SBK2: variants seen among roughly 807,000 people sequenced by gnomAD.
SBK2 encodes the protein serine/threonine-protein kinase SBK2.
SBK2 carries 18 observed loss-of-function variants against 15.9 expected under a neutral mutation model. The observed-to-expected ratio is 1.13, with a 90% CI of 0.78 to 1.68. The LOEUF (loss-of-function observed/expected upper bound fraction) is 1.68, where lower values mean the gene tolerates loss of function less well. SBK2 is among the 40% of genes most tolerant of loss of function. The pLI is 0.00. For missense variants in SBK2, 581 were observed against 510.9 expected, an observed-to-expected ratio of 1.14 and a Z score of -1.32; for synonymous variants, 284 against 246.8, an observed-to-expected ratio of 1.15 and a Z score of -1.41.
chr19:55,529,598 AGAGGAGAGAG>A lies in SBK2; in HGVS notation c.*125_*134del. 2 of 783,842 alleles carry A rather than the reference AGAGGAGAGAG, an allele frequency of 2.6e-6. No homozygotes were observed. The highest frequency in any genetic ancestry group is 4.4e-5 in the Admixed American group (1 of 22,974). The allele number at this position is 783,842 out of a possible 1,614,324, so 48.6% of individuals were successfully genotyped here. A position where few individuals can be genotyped will look rare whatever the true frequency, so the allele number is the denominator to read the frequency against. On this transcript the variant is annotated 3_prime_UTR_variant, in exon 4 of 4. Transcript: ENST00000413299. The stretch of plus-strand genomic sequence containing the variant: ...ACCAAGGGAGGAATGCAGCCTGCAG[AGAGGAGAGAG>A]GAGGAGGACGCCGAGGGGAATCCCA...
In SBK2 at chr19:55,529,005, A is replaced by C. The variant is rs1445363629; in HGVS notation, c.*728T>G. The stretch of plus-strand genomic sequence containing the variant: ...TACAACGCGCAGCTGTAATCCCAGC[A>C]CTGCGGGAGGCCGAGGTGGGAGACT... On this transcript the variant is annotated 3_prime_UTR_variant, in exon 4 of 4. Coordinates refer to ENST00000413299, the MANE Select transcript of SBK2 (RefSeq NM_001370096.2). Among the ~76,000 whole-genome samples, 2 of 152,244 alleles carry C rather than the reference A, an allele frequency of 1.3e-5. No homozygotes were observed. The highest frequency in any genetic ancestry group is 2.9e-5 in the Non-Finnish European group (2 of 68,036).
rs758664814 is a variant in SBK2 at position 55,531,254 on chromosome 19, C to T, written c.345G>A (p.Ala115=). The change falls in exon 3 of 4, where the codon GCG becomes GCA. Residue 115 remains alanine (A), a synonymous_variant. Transcript: ENST00000413299. ...YEFCVGLSLG[A]HSAIVTAYGI... is the part of the protein sequence containing the mutation. ...CGTAGGCCGTCACGATGGCTGAGTG[C>T]GCGCCCAGCGAGAGCCCCACACAGA... 6.2e-7 allele frequency: 1 copy of T among 1,613,382 alleles called. No homozygotes were observed. The highest frequency in any genetic ancestry group is 1.7e-5 in the Admixed American group (1 of 59,980).
intron 2 of SBK2, among the ~76,000 whole-genome samples, chr19:55,532,078 C>T (rs1988282640): frequency 6.6e-6 from 1 of 152,104 alleles, no homozygotes; most frequent in Non-Finnish European, 1.5e-5. Context: ...AAGTCTATAG[C>T]CATGGAGATG....
At chr19:55,530,397 G>A in intron 3 of SBK2, 74 bp from the exon 4 acceptor site, 1 of 1,318,042 alleles carries the variant, frequency 7.6e-7, no homozygotes, top group Non-Finnish European at 9.9e-7. Context: ...GCAGGCCCAG[G>A]ACGCCAAGGA....
intron 1 of SBK2, 55 bp from the exon 2 acceptor site, chr19:55,536,351 G>A: frequency 1.4e-6 from 2 of 1,407,176 alleles, no homozygotes; most frequent in South Asian, 1.6e-5. Flanking sequence ...AGGGAGGAGG[G>A]GACTGGGGGT....
chr19:55,531,935 C>G (rs1044044667), intron 2 of SBK2, among the ~76,000 whole-genome samples: 2 of 150,832 alleles, frequency 1.3e-5, no homozygotes, highest in African/African-American at 4.9e-5. Context: ...GCCGAGATTG[C>G]GCCACTGCAC....
chr19:55,535,624 T>C (rs1272060402), intron 2 of SBK2, among the ~76,000 whole-genome samples: 9 of 152,156 alleles, frequency 5.9e-5, no homozygotes, highest in East Asian at 1.9e-4. Context: ...ATCCCAGCAA[T>C]TGGGAGGCTG....
chr19:55,535,610 T>C, intron 2 of SBK2, among the ~76,000 whole-genome samples: 1 of 152,206 alleles, frequency 6.6e-6, no homozygotes, highest in African/African-American at 2.4e-5. Flanking sequence ...GGCTCATGCC[T>C]GTAATCCCAG....
intron 2 of SBK2, among the ~76,000 whole-genome samples, chr19:55,535,471 T>C (rs1423940173): frequency 6.6e-6 from 1 of 152,170 alleles, no homozygotes; most frequent in Non-Finnish European, 1.5e-5. Context: ...ACTAGAGCAG[T>C]CCACATTCAC....
chr19:55,536,415 T>C lies in SBK2; in HGVS notation c.-2-119A>G, dbSNP rs1988408182. On this transcript the variant is annotated intron_variant, in intron 1 of 3. Coordinates refer to ENST00000413299, the MANE Select transcript of SBK2 (RefSeq NM_001370096.2). Reference sequence around the variant, plus strand: ...GCTGGGGGCTCATCGCGCTTCTCATTGTGACTCAGTCTCCCTCTTGGTGAG... The same window carrying C: ...GCTGGGGGCTCATCGCGCTTCTCATCGTGACTCAGTCTCCCTCTTGGTGAG... 16 of 720,914 alleles carry C rather than the reference T, an allele frequency of 2.2e-5. No individual in the cohort carries two copies. In the South Asian group the frequency reaches 5.1e-4, roughly 23 times the overall value. The allele number at this position is 720,914 out of a possible 1,614,324, so 44.7% of individuals were successfully genotyped here.
At chr19:55,534,987 T>A (rs1314105462) in intron 2 of SBK2, among the ~76,000 whole-genome samples, 2 of 151,550 alleles carry the variant, frequency 1.3e-5, no homozygotes, top group Non-Finnish European at 2.9e-5. Flanking sequence ...ATTGTGCTAC[T>A]GCACTCCAGC....
chr19:55,535,914 A>C (rs1490511161), intron 2 of SBK2, 128 bp downstream of exon 2: 7 of 947,046 alleles, frequency 7.4e-6, no homozygotes, highest in Non-Finnish European at 1.0e-5. Context: ...AAAAACAAAA[A>C]ACACACAGCT....
rs972290028 is a variant in SBK2 at position 55,528,808 on chromosome 19, C to A, written c.*925G>T. Among the ~76,000 whole-genome samples the A allele has an allele frequency of 7.2e-5, 11 of 152,324 alleles. No individual in the cohort carries two copies. The highest frequency in any genetic ancestry group is 2.4e-4 in the African/African-American group (10 of 41,562). ...TTTAACAGACATTTCCTGATCCCTG[C>A]TGCAGGCCATCGCTGAGTACATGGG... is the stretch of plus-strand genomic sequence containing the variant. On this transcript the variant is annotated 3_prime_UTR_variant, in exon 4 of 4. Coordinates refer to ENST00000413299, the MANE Select transcript of SBK2 (RefSeq NM_001370096.2).
chr19:55,531,784 C>A (rs1471848594), intron 2 of SBK2, among the ~76,000 whole-genome samples: 15 of 152,156 alleles, frequency 9.9e-5, no homozygotes, highest in Admixed American at 9.8e-4. Context: ...TCAAGACCAG[C>A]CTGGTCAATA....
At position 55,530,018 on chromosome 19, in the gene SBK2, G is replaced by T. The variant is rs1173018552; in HGVS notation, c.762C>A (p.Phe254Leu). 6.6e-7 allele frequency: 1 copy of T among 1,513,806 alleles called. No homozygotes were observed. The highest frequency in any genetic ancestry group is 2.5e-5 in the East Asian group (1 of 39,722). The allele number at this position is 1,513,806 out of a possible 1,614,324, so 93.8% of individuals were successfully genotyped here. A position where few individuals can be genotyped will look rare whatever the true frequency, so the allele number is the denominator to read the frequency against. The change falls in exon 4 of 4, where the codon TTC becomes TTA. Residue 254 changes from phenylalanine (F) to leucine (L), a missense_variant. Coordinates refer to ENST00000413299, the MANE Select transcript of SBK2 (RefSeq NM_001370096.2). ...AGGGGAAGTAGCCCGTGAGGAGGCA[G>T]AAGAGCAGGACGCCCAGCGCCCAGG... Reference protein sequence around the residue: ...LDAWALGVLLFCLLTGYFPWD... With the variant: ...LDAWALGVLLLCLLTGYFPWD...
At chr19:55,535,734 T>C (rs1374266615) in intron 2 of SBK2, among the ~76,000 whole-genome samples, 1 of 151,998 alleles carries the variant, frequency 6.6e-6, no homozygotes, top group Non-Finnish European at 1.5e-5. Context: ...CACACACAAA[T>C]GTAGCTGGGT....
chr19:55,532,371 C>T (rs534030797), intron 2 of SBK2, among the ~76,000 whole-genome samples: 1 of 140,706 alleles, frequency 7.1e-6, no homozygotes, highest in African/African-American at 2.7e-5. Context: ...GGCGTCATCT[C>T]GGCTCACTGC....
Position 55,534,716 on chromosome 19 carries a change from A to AAAG in SBK2, c.253+1325_253+1326insCTT, listed in dbSNP as rs1555770635. 5.5e-5 allele frequency among the ~76,000 whole-genome samples: 8 copies of AAAG among 144,882 alleles called. 1 individual carries two copies. In the East Asian group the frequency reaches 8.3e-4, roughly 15 times the overall value. On this transcript the variant is annotated intron_variant, in intron 2 of 3. Transcript: ENST00000413299. Reference sequence around the variant, plus strand: ...CGAGACCCTGTCTCAAAAAAAAAAAAAAAAGAAAAAAAAAGAAAAGAAAAA... The same window carrying AAAG: ...CGAGACCCTGTCTCAAAAAAAAAAAAAAGAAAAGAAAAAAAAAGAAAAGAAAAA...
chr19:55,532,452 G>T (rs1988293394), intron 2 of SBK2, among the ~76,000 whole-genome samples: 1 of 149,866 alleles, frequency 6.7e-6, no homozygotes, highest in Non-Finnish European at 1.5e-5. Flanking sequence ...ACGGGCACCT[G>T]CCACCATACC....
Sources: allele counts gnomAD v4.1 joint callset (sites outside exome capture counted in the v4.1 genomes callset), GRCh38; gene constraint gnomAD v4.1.1; transcripts MANE v1.5; gene names NCBI Gene and HGNC (gene_info 2026-07-23, HGNC 2026-07-21).